Variants in ERICH1 observed in about 807,000 individuals in gnomAD.
The protein encoded by ERICH1 is glutamate-rich protein 1.
ERICH1 carries 56 observed loss-of-function variants against 39.6 expected under a neutral mutation model. The ratio of observed to expected loss-of-function variants is 1.41; its 90% CI spans 1.14 to 1.77. ERICH1 has a LOEUF of 1.77. Among genes scored for constraint, ERICH1 ranks in the 40% most tolerant of loss-of-function variants. The pLI, the probability that ERICH1 is intolerant of heterozygous loss-of-function variation, is 0.00. For synonymous variants in ERICH1, 313 were observed against 223.6 expected, an observed-to-expected ratio of 1.40 and a Z score of -3.57; for missense variants, 826 against 575.4, an observed-to-expected ratio of 1.44 and a Z score of -4.45.
chr8:674,193 A>G (rs1294933226), intron 3 of ERICH1, 146 bp from the exon 4 acceptor site: 2 of 938,744 alleles, frequency 2.1e-6, no homozygotes, highest in East Asian at 2.7e-5. Context: ...CAACTTTACC[A>G]TCAAAGATCC....
At chr8:615,421 T>C (rs143672276) in intron 3 of ERICH1, 1 of 526,892 alleles carries the variant, frequency 1.9e-6, no homozygotes, top group Admixed American at 3.7e-5. Context: ...TCCTCAGTCA[T>C]AAACAGAACA....
chr8:624,768 C>T (rs528618144), intron 3 of ERICH1, among the ~76,000 whole-genome samples: 1 of 151,900 alleles, frequency 6.6e-6, no homozygotes, highest in South Asian at 2.1e-4. Context: ...GCTCTGTCAC[C>T]CAGGCCGGAC....
At position 718,866 on chromosome 8, in the gene ERICH1, G is replaced by A. The variant is rs75724751; in HGVS notation, c.23-2859C>T. On this transcript the variant is annotated intron_variant, in intron 1 of 5. Transcript: ENST00000262109. ...CCACACGAGCAGATTCGAGAGGGGT[G>A]GTTCCCAGAACCATGCAGACCCATG... 5.8e-3 allele frequency among the ~76,000 whole-genome samples: 881 copies of A among 152,298 alleles called. 12 individuals are homozygous for A. Among genetic ancestry groups the A allele is most frequent in the African/African-American group, 0.02 (836 of 41,562 alleles).
chr8:638,403 C>T (rs62486204), intron 3 of ERICH1, among the ~76,000 whole-genome samples: 3,035 of 152,264 alleles, frequency 0.02, 40 homozygotes, highest in Middle Eastern at 0.037. Context: ...GATACAGCTT[C>T]CGTTACAGTG....
chr8:622,258 G>C (rs541486082), intron 3 of ERICH1, among the ~76,000 whole-genome samples: 1 of 152,130 alleles, frequency 6.6e-6, no homozygotes, highest in East Asian at 1.9e-4. Context: ...TCCTTGCTAT[G>C]GTCTGAATGT....
chr8:687,416 G>C (rs1018253398), intron 3 of ERICH1, among the ~76,000 whole-genome samples: 3 of 152,264 alleles, frequency 2.0e-5, no homozygotes, highest in East Asian at 3.8e-4. Flanking sequence ...AGCCGGCAAC[G>C]CTCACGTTTG....
At chr8:657,984 C>T (rs956663342) in intron 3 of ERICH1, among the ~76,000 whole-genome samples, 2 of 152,190 alleles carry the variant, frequency 1.3e-5, no homozygotes, top group African/African-American at 4.8e-5. Flanking sequence ...CTGGGCCCAC[C>T]AGCCCCCAAG....
Position 692,551 on chromosome 8 carries a change from G to A in ERICH1, c.231C>T (p.Gly77=), listed in dbSNP as rs1166989569. 1 of 1,613,562 alleles carries A rather than the reference G, an allele frequency of 6.2e-7. No individual in the cohort carries two copies. Among genetic ancestry groups the A allele is most frequent in the East Asian group, 2.2e-5 (1 of 44,802 alleles). ...RLYTASGPPE[G]YVPCWPEPSS... ...TGGGCTCCGGCCAACAGGGGACGTA[G>A]CCCTCAGGAGGCCCGCTGGCAGTGT... The change falls in exon 3 of 6, where the codon GGC becomes GGT. Residue 77 remains glycine, a synonymous_variant. Coordinates refer to ENST00000262109, the MANE Select transcript of ERICH1 (RefSeq NM_207332.3).
At chr8:687,309 G>T (rs573638086) in intron 3 of ERICH1, among the ~76,000 whole-genome samples, 3 of 152,198 alleles carry the variant, frequency 2.0e-5, no homozygotes, top group Non-Finnish European at 4.4e-5. Context: ...TGCCTTACGG[G>T]CTGTTTTTAT....
At chr8:635,379 T>G (rs978668710) in intron 3 of ERICH1, among the ~76,000 whole-genome samples, 14 of 152,188 alleles carry the variant, frequency 9.2e-5, no homozygotes, top group Non-Finnish European at 1.6e-4. Flanking sequence ...CAGCCTGAGC[T>G]TCCCTCCAAA....
intron 3 of ERICH1, among the ~76,000 whole-genome samples, chr8:642,186 G>A (rs150104686): frequency 2.0e-5 from 3 of 152,250 alleles, no homozygotes; most frequent in Non-Finnish European, 2.9e-5. Context: ...AGCACTTAAC[G>A]CGACTGGCCC....
At chr8:639,164 G>A (rs966926122) in intron 3 of ERICH1, among the ~76,000 whole-genome samples, 3 of 152,078 alleles carry the variant, frequency 2.0e-5, no homozygotes, top group African/African-American at 4.8e-5. Flanking sequence ...CCCGGGTCTT[G>A]GATTCTGCTT....
chr8:691,034 C>T (rs763382096), intron 3 of ERICH1: 1 of 152,346 alleles, frequency 6.6e-6, no homozygotes, highest in Admixed American at 6.5e-5. Flanking sequence ...CCTGAGGGCC[C>T]TGGAGGCTCC....
chr8:727,914 CA>C (rs1752456284), intron 1 of ERICH1, among the ~76,000 whole-genome samples: 3 of 152,178 alleles, frequency 2.0e-5, no homozygotes, highest in Admixed American at 2.0e-4. Flanking sequence ...TGCTTAAATC[CA>C]GGGGCGCATC....
In ERICH1 at chr8:647,947, G is replaced by C. The variant is rs1182645160; in HGVS notation, c.976+20651C>G. On this transcript the variant is annotated intron_variant, in intron 3 of 3. Coordinates refer to the ERICH1 transcript ENST00000522706. ...GTGCGCCTGCAAGTTAAAACTCACT[G>C]CATCAGTTACTGAAAGGAGGAGGGC... 3.0e-5 allele frequency among the ~76,000 whole-genome samples: 2 copies of C among 67,660 alleles called. 1 individual carries two copies. Among genetic ancestry groups the C allele is most frequent in the Non-Finnish European group, 9.1e-5 (2 of 22,036 alleles). 44.4% of individuals were successfully genotyped at this position (67,660 alleles called of 152,430 possible).
intron 2 of ERICH1, among the ~76,000 whole-genome samples, chr8:693,211 G>C (rs984669207): frequency 6.6e-6 from 1 of 151,680 alleles, no homozygotes; most frequent in African/African-American, 2.4e-5. Flanking sequence ...CACAGACACA[G>C]ACATGTACAG....
intron 3 of ERICH1, among the ~76,000 whole-genome samples, chr8:618,759 C>T (rs13262177): frequency 6.6e-6 from 1 of 151,828 alleles, no homozygotes; most frequent in African/African-American, 2.4e-5. Context: ...CGTGGACTAC[C>T]CTGCTATGTG....
intron 3 of ERICH1, among the ~76,000 whole-genome samples, chr8:689,940 C>T (rs1057195554): frequency 5.9e-5 from 9 of 151,980 alleles, no homozygotes; most frequent in East Asian, 5.8e-4. Context: ...TAAGTGAGTT[C>T]GCCTGCTAAA....
At chr8:629,032 ATGC>A (rs1797760248) in intron 3 of ERICH1, among the ~76,000 whole-genome samples, 4 of 152,192 alleles carry the variant, frequency 2.6e-5, no homozygotes, top group Admixed American at 2.6e-4. Context: ...TCTCGGGGCC[ATGC>A]AAACCCAGAC....
Sources: gnomAD v4.1 joint callset for allele counts (sites outside exome capture counted in the v4.1 genomes callset) on GRCh38, gnomAD v4.1.1 for gene constraint, MANE v1.5 for transcripts, NCBI Gene and HGNC (gene_info 2026-07-23, HGNC 2026-07-21) for gene names.